The following GTF2F2 variants were observed in gnomAD, a reference collection of about 807,000 sequenced individuals.
The protein encoded by GTF2F2 is general transcription factor IIF subunit 2.
In GTF2F2, 23 loss-of-function variants were observed where a neutral mutation model predicts 42.2. That is an observed-to-expected ratio of 0.55 (90% CI 0.39 to 0.77). The LOEUF is 0.77. GTF2F2 is among the 30% of genes least tolerant of loss of function. The pLI, the probability that GTF2F2 is intolerant of heterozygous loss-of-function variation, is 0.00. For synonymous variants in GTF2F2, 105 were observed against 100.8 expected (o/e 1.04, Z -0.25); for missense variants, 261 against 287.2 (o/e 0.91, Z 0.66).
intron 4 of GTF2F2, among the ~76,000 whole-genome samples, chr13:45,184,392 CCG>C (rs1491580725): frequency 4.7e-5 from 7 of 148,970 alleles, no homozygotes; most frequent in African/African-American, 1.8e-4. Flanking sequence ...TTATTCCCCC[CCG>C]CCCTTTTTTT....
At chr13:45,190,164 C>A (rs4534728) in intron 4 of GTF2F2, among the ~76,000 whole-genome samples, 31,311 of 151,904 alleles carry the variant, frequency 0.21, 3,458 homozygotes, top group African/African-American at 0.23. Flanking sequence ...AAGAAAAAAA[C>A]AACCCCATAA....
chr13:45,207,259 G>A (rs923726196), intron 4 of GTF2F2, 165 bp from the exon 5 acceptor site: 48 of 524,260 alleles, frequency 9.2e-5, no homozygotes, highest in East Asian at 7.0e-4. Context: ...CCAAGAATAA[G>A]GCTTCTCTCT....
intron 5 of GTF2F2, among the ~76,000 whole-genome samples, chr13:45,236,960 CTG>C (rs1324943470): frequency 6.6e-6 from 1 of 152,102 alleles, no homozygotes; most frequent in Non-Finnish European, 1.5e-5. Context: ...CATGAGTAAT[CTG>C]TATAATTTCA....
intron 6 of GTF2F2, among the ~76,000 whole-genome samples, chr13:45,262,790 G>T (rs1876399639): frequency 6.6e-6 from 1 of 152,064 alleles, no homozygotes; most frequent in South Asian, 2.1e-4. Context: ...TGCCTAGGCT[G>T]GAGTGCATGA....
intron 2 of GTF2F2, among the ~76,000 whole-genome samples, chr13:45,138,033 T>G (rs1869723262): frequency 6.6e-6 from 1 of 152,186 alleles, no homozygotes; most frequent in Non-Finnish European, 1.5e-5. Flanking sequence ...GCTCTCTTAC[T>G]TGAACTTCGG....
intron 4 of GTF2F2, among the ~76,000 whole-genome samples, chr13:45,186,265 G>A (rs937599777): frequency 6.7e-6 from 1 of 150,128 alleles, no homozygotes; most frequent in Non-Finnish European, 1.5e-5. Context: ...GTGAGCCCCG[G>A]CACCTGGCCT....
chr13:45,246,928 C>A (rs1187605877), intron 5 of GTF2F2, among the ~76,000 whole-genome samples: 1 of 151,608 alleles, frequency 6.6e-6, no homozygotes, highest in Non-Finnish European at 1.5e-5. Flanking sequence ...GTCCCAGCTA[C>A]TTGGGAAGAT....
At chr13:45,245,700 T>TATATATATAC (rs1372154058) in intron 5 of GTF2F2, among the ~76,000 whole-genome samples, 2 of 65,490 alleles carry the variant, frequency 3.1e-5, no homozygotes, top group African/African-American at 2.5e-4. Context: ...TATATATATA[T>TATATATATAC]ACATATACAT....
At chr13:45,253,338 G>A (rs757085982) in intron 6 of GTF2F2, among the ~76,000 whole-genome samples, 1 of 152,006 alleles carries the variant, frequency 6.6e-6, no homozygotes, top group Non-Finnish European at 1.5e-5. Context: ...CTATACCTTT[G>A]TGATGAACCA....
intron 4 of GTF2F2, among the ~76,000 whole-genome samples, chr13:45,161,679 C>G (rs1308723966): frequency 6.6e-6 from 1 of 151,990 alleles, no homozygotes; most frequent in Non-Finnish European, 1.5e-5. Context: ...CCGTCCCTAC[C>G]AAAAATACAA....
chr13:45,147,208 C>T (rs1382255617), intron 2 of GTF2F2, among the ~76,000 whole-genome samples: 1 of 152,302 alleles, frequency 6.6e-6, no homozygotes, highest in African/African-American at 2.4e-5. Context: ...GTCATTTCCT[C>T]TTCTCTTAGT....
chr13:45,243,880 C>G (rs1346222356), intron 5 of GTF2F2, among the ~76,000 whole-genome samples: 1 of 152,202 alleles, frequency 6.6e-6, no homozygotes, highest in Non-Finnish European at 1.5e-5. Flanking sequence ...AGGCTGGTCT[C>G]AAACTCCTGA....
intron 5 of GTF2F2, among the ~76,000 whole-genome samples, chr13:45,209,041 T>G (rs1172504265): frequency 6.6e-6 from 1 of 152,200 alleles, no homozygotes; most frequent in Admixed American, 6.5e-5. Context: ...CTTTAAAGGG[T>G]TCTAAAGATT....
chr13:45,140,305 C>T (rs573223039), intron 2 of GTF2F2, among the ~76,000 whole-genome samples: 145 of 152,240 alleles, frequency 9.5e-4, no homozygotes, highest in African/African-American at 3.3e-3. Context: ...ATATTGACCA[C>T]TCAGATATAG....
chr13:45,124,432 C>G (rs1051311487), intron 1 of GTF2F2, among the ~76,000 whole-genome samples: 2 of 150,934 alleles, frequency 1.3e-5, no homozygotes, highest in African/African-American at 2.4e-5. Context: ...CATGGTGGCT[C>G]ATGCCTGTAA....
chr13:45,191,666 G>T lies in GTF2F2; in HGVS notation c.305-15758G>T, dbSNP rs139013435. Among the ~76,000 whole-genome samples, 22 of 152,018 alleles carry T rather than the reference G, an allele frequency of 1.4e-4. No homozygotes were observed. In the East Asian group the frequency reaches 4.1e-3, roughly 28 times the overall value. On this transcript the variant is annotated intron_variant, in intron 4 of 7. Coordinates refer to ENST00000340473, the MANE Select transcript of GTF2F2 (RefSeq NM_004128.3). Reference sequence around the variant, plus strand: ...GTACAAGTAATTTGGAATTTAAAAAGGTACATTTATAAAAAGTTACAAGGG... The same window carrying T: ...GTACAAGTAATTTGGAATTTAAAAATGTACATTTATAAAAAGTTACAAGGG...
rs1868599000 is a variant in GTF2F2 at position 45,120,942 on chromosome 13, GC to G, written c.66+223del. Among the ~76,000 whole-genome samples, 19 of 152,278 alleles carry G rather than the reference GC, an allele frequency of 1.2e-4. No homozygotes were observed. In the South Asian group the frequency reaches 3.9e-3, roughly 32 times the overall value. The stretch of plus-strand genomic sequence containing the variant: ...TTCAGCCAGTTACTACTCTGAATCT[GC>G]CTGGACTAGATCTCTTTCTCACGGC... On this transcript the variant is annotated intron_variant, in intron 1 of 7. Transcript: ENST00000340473.
At chr13:45,227,735 C>T (rs1438260254) in intron 5 of GTF2F2, among the ~76,000 whole-genome samples, 2 of 152,166 alleles carry the variant, frequency 1.3e-5, no homozygotes, top group African/African-American at 4.8e-5. Context: ...AATTAAATGA[C>T]ATATTGGGTT....
chr13:45,255,166 CAAAAAAA>C (rs55795620), intron 6 of GTF2F2, among the ~76,000 whole-genome samples: 1 of 76,106 alleles, frequency 1.3e-5, no homozygotes, highest in Admixed American at 1.6e-4. Context: ...GACTTTGTCT[CAAAAAAA>C]AAAAAAAAAA....
Sources: allele counts gnomAD v4.1 joint callset (sites outside exome capture counted in the v4.1 genomes callset), GRCh38; gene constraint gnomAD v4.1.1; transcripts MANE v1.5; gene names NCBI Gene and HGNC (gene_info 2026-07-23, HGNC 2026-07-21).